Variants in CACNG7 observed in about 807,000 individuals in gnomAD.
CACNG7 encodes calcium voltage-gated channel auxiliary subunit gamma 7.
In CACNG7, 9 loss-of-function variants were observed where a neutral mutation model predicts 26.3. The ratio of observed to expected loss-of-function variants is 0.34; its 90% CI spans 0.21 to 0.60. The LOEUF (loss-of-function observed/expected upper bound fraction) is 0.60, where lower values mean the gene tolerates loss of function less well. Among genes scored for constraint, CACNG7 ranks in the 20% least tolerant of loss-of-function variants. The pLI is 0.81. For missense variants in CACNG7, 297 were observed against 380.4 expected (o/e 0.78, Z 1.82); for synonymous variants, 170 against 157.0 (o/e 1.08, Z -0.62).
Position 53,942,703 on chromosome 19 carries a change from G to A in CACNG7, c.*410G>A. On this transcript the variant is annotated 3_prime_UTR_variant, in exon 6 of 6. Transcript: ENST00000391767. This position sits in a 1 kb window ranked among gnomAD's most constrained non-coding sequence, Gnocchi z 5.9. ...CACCGCAGGGGCGCTGGGCTGGAGA[G>A]CAGGTTCGGGCAGCCGTCGGGAATA... 1 of 414,898 alleles carries A rather than the reference G, an allele frequency of 2.4e-6. No homozygotes were observed. The allele number at this position is 414,898 out of a possible 1,614,324, so 25.7% of individuals were successfully genotyped here.
intron 4 of CACNG7, among the ~76,000 whole-genome samples, chr19:53,921,524 T>G (rs538151358): frequency 1.2e-4 from 17 of 140,776 alleles, no homozygotes; most frequent in East Asian, 2.1e-4. Context: ...TTGGTGGAGT[T>G]GCCCCAGGTC....
chr19:53,925,495 G>A (rs1322645898), intron 4 of CACNG7, among the ~76,000 whole-genome samples: 1 of 148,212 alleles, frequency 6.7e-6, no homozygotes, highest in Non-Finnish European at 1.5e-5. Context: ...CTGGTCATTG[G>A]TGGACTTGCC....
At chr19:53,910,011 G>A (rs1365624819) in intron 1 of CACNG7, among the ~76,000 whole-genome samples, 1 of 152,130 alleles carries the variant, frequency 6.6e-6, no homozygotes, top group South Asian at 2.1e-4. Context: ...CTTCAGGCCT[G>A]GGGGGAGGGT....
chr19:53,915,504 G>T lies in CACNG7; in HGVS notation c.423G>T (p.Ser141=), dbSNP rs768543537. 2 of 1,613,894 alleles carry T rather than the reference G, an allele frequency of 1.2e-6. No individual in the cohort carries two copies. Among genetic ancestry groups the T allele is most frequent in the Admixed American group, 1.7e-5 (1 of 59,984 alleles). ...AFVSGIFFIL[S]GLSLVVGLVL... Reference sequence around the variant, plus strand: ...TCTCTGGCATCTTCTTCATACTATCGGGTGAGCCTAAGGACTTGGGGGTTG... The same window carrying T: ...TCTCTGGCATCTTCTTCATACTATCTGGTGAGCCTAAGGACTTGGGGGTTG... The change falls in exon 4 of 6, where the codon TCG becomes TCT. Residue 141 remains serine (S), a splice_region_variant and synonymous_variant. Transcript: ENST00000391767.
rs942383353 is a variant in CACNG7 at position 53,929,901 on chromosome 19, A to G, written c.425-11569A>G. 2.6e-5 allele frequency among the ~76,000 whole-genome samples: 4 copies of G among 152,176 alleles called. No homozygotes were observed. The East Asian group carries it at 7.7e-4, about 29-fold the overall frequency. ...TTCTAGATGTTCCAGCTGCATAGCA[A>G]GTATGTTCTTCATCCATTCAAAGAG... is the stretch of plus-strand genomic sequence containing the variant. On this transcript the variant is annotated intron_variant, in intron 4 of 5. Transcript: ENST00000391767.
At chr19:53,925,181 T>G (rs529723575) in intron 4 of CACNG7, among the ~76,000 whole-genome samples, 1 of 126,750 alleles carries the variant, frequency 7.9e-6, no homozygotes, top group Non-Finnish European at 1.6e-5. Context: ...ATTGGTGAAG[T>G]TGCCCCAGGT....
chr19:53,924,913 G>C (rs2069012198), intron 4 of CACNG7, among the ~76,000 whole-genome samples: 1 of 146,702 alleles, frequency 6.8e-6, no homozygotes. Flanking sequence ...GGTCATTGGT[G>C]GAGTTGCCCC....
chr19:53,924,338 G>A (rs1269001867), intron 4 of CACNG7, among the ~76,000 whole-genome samples: 4 of 101,984 alleles, frequency 3.9e-5, no homozygotes, highest in Admixed American at 1.1e-4. Context: ...TGGACTTGCC[G>A]CAGGTCTGGT....
intron 4 of CACNG7, among the ~76,000 whole-genome samples, chr19:53,921,930 C>T (rs1225134643): frequency 2.1e-5 from 2 of 93,628 alleles, no homozygotes; most frequent in Non-Finnish European, 4.0e-5. Context: ...GTGGAGTTGT[C>T]CCCAGGTCTG....
chr19:53,927,631 A>C (rs2069040800), intron 4 of CACNG7, among the ~76,000 whole-genome samples: 1 of 152,246 alleles, frequency 6.6e-6, no homozygotes, highest in Admixed American at 6.5e-5. Flanking sequence ...TGAGGTTAGG[A>C]GTTCGAGACC....
rs1466544749 is a variant in CACNG7, at chr19:53,939,353, G to T, written c.425-2117G>T. ...GATGTTTCAGTACATCCACAAGGTTGTGCAACCATCTCCATTAGCTAATTT... is the reference window on the plus strand; with the variant it reads ...GATGTTTCAGTACATCCACAAGGTTTTGCAACCATCTCCATTAGCTAATTT... On this transcript the variant is annotated intron_variant, in intron 4 of 5. Transcript: ENST00000391767. The surrounding 1 kb of genome is among the most constrained non-coding windows in gnomAD (Gnocchi z 4.2). Among the ~76,000 whole-genome samples the T allele has an allele frequency of 6.6e-6, 1 of 152,178 alleles. No homozygotes were observed. The highest frequency in any genetic ancestry group is 1.5e-5 in the Non-Finnish European group (1 of 68,036).
intron 5 of CACNG7, 57 bp from the exon 6 acceptor site, chr19:53,941,979 G>C (rs1292684953): frequency 6.6e-7 from 1 of 1,506,320 alleles, no homozygotes; most frequent in East Asian, 2.4e-5. Flanking sequence ...GAGATGAGTC[G>C]GGGTCCGGGG....
chr19:53,924,874 C>G (rs987802933), intron 4 of CACNG7, among the ~76,000 whole-genome samples: 1 of 136,254 alleles, frequency 7.3e-6, no homozygotes, highest in African/African-American at 2.8e-5. Flanking sequence ...TTGCCCCAGG[C>G]TGGTCATTGG....
chr19:53,923,099 G>GC (rs1555810801), intron 4 of CACNG7, among the ~76,000 whole-genome samples: 4 of 121,066 alleles, frequency 3.3e-5, no homozygotes, highest in Admixed American at 1.6e-4. Flanking sequence ...GTTGTCCCAG[G>GC]CTGGTCATTG....
At chr19:53,916,552 G>C (rs139631309) in intron 4 of CACNG7, among the ~76,000 whole-genome samples, 1,661 of 139,406 alleles carry the variant, frequency 0.012, 30 homozygotes, top group African/African-American at 0.04. Context: ...ACAATGGCAC[G>C]ATCTCAGCTC....
intron 4 of CACNG7, among the ~76,000 whole-genome samples, chr19:53,925,583 C>CCCCAGGCTGGTCATTGGTGGAGTTGT (rs2069023546): frequency 6.6e-6 from 1 of 151,558 alleles, no homozygotes; most frequent in African/African-American, 2.4e-5. Context: ...GGTGGACTTG[C>CCCCAGGCTGGTCATTGGTGGAGTTGT]CCCAGGCTGG....
rs114464730 is a variant in CACNG7 at position 53,926,036 on chromosome 19, A to G, written c.424+10531A>G. Among the ~76,000 whole-genome samples, 1,384 of 152,296 alleles carry G rather than the reference A, an allele frequency of 9.1e-3. 32 individuals carry two copies. The highest frequency in any genetic ancestry group is 0.032 in the African/African-American group (1,321 of 41,552). On this transcript the variant is annotated intron_variant, in intron 4 of 5. Coordinates refer to ENST00000391767, the MANE Select transcript of CACNG7 (RefSeq NM_031896.5). Reference sequence around the variant, plus strand: ...ATCTGTGGATATGCTTATTCATTCAATCTTCAGATGTCCTGTATACCAGGC... The same window carrying G: ...ATCTGTGGATATGCTTATTCATTCAGTCTTCAGATGTCCTGTATACCAGGC...
intron 4 of CACNG7, among the ~76,000 whole-genome samples, chr19:53,924,038 C>G (rs1285150083): frequency 8.4e-5 from 12 of 143,462 alleles, no homozygotes; most frequent in Admixed American, 1.4e-4. Context: ...TGGAGTTGCC[C>G]CAGGCCTGGT....
intron 4 of CACNG7, among the ~76,000 whole-genome samples, chr19:53,931,603 G>A (rs757405910): frequency 1.4e-5 from 2 of 145,674 alleles, no homozygotes; most frequent in African/African-American, 2.5e-5. Flanking sequence ...CAGGAGAATC[G>A]CTTGAACTCA....
Sources: allele counts gnomAD v4.1 joint callset (sites outside exome capture counted in the v4.1 genomes callset), GRCh38; gene constraint gnomAD v4.1.1; non-coding constraint Gnocchi (gnomAD v3.1); transcripts MANE v1.5; gene names NCBI Gene and HGNC (gene_info 2026-07-23, HGNC 2026-07-21).